The following NLRP11 variants were observed in gnomAD, a reference collection of about 807,000 sequenced individuals.
The protein encoded by NLRP11 is NLR family pyrin domain containing 11, also known as NACHT, LRR and PYD domains-containing protein 11.
Under a neutral mutation model 79.3 loss-of-function variants are expected in NLRP11, and 53 were observed. That is an observed-to-expected ratio of 0.67 (90% confidence interval 0.54 to 0.84). The LOEUF is 0.84. Ranked by LOEUF, NLRP11 falls within the 40% of genes least tolerant of loss-of-function variation. The pLI is 0.00. For missense variants in NLRP11, 1,264 were observed against 1,255.0 expected (o/e 1.01, Z -0.11); for synonymous variants, 518 against 462.6 (o/e 1.12, Z -1.54).
At chr19:55,799,554 T>C (rs187328171) in intron 5 of NLRP11, among the ~76,000 whole-genome samples, 1 of 151,652 alleles carries the variant, frequency 6.6e-6, no homozygotes, top group Admixed American at 6.6e-5. Flanking sequence ...TGAAAGGAGT[T>C]TGGGGAGGGG....
intron 5 of NLRP11, 35 bp from the exon 6 acceptor site, chr19:55,796,285 C>T (rs371224573): frequency 9.0e-5 from 140 of 1,551,986 alleles, no homozygotes; most frequent in East Asian, 2.7e-4. Flanking sequence ...AAGAGGCTCC[C>T]GCGTTTAAGC....
chr19:55,796,878 C>A (rs368435842), intron 5 of NLRP11, among the ~76,000 whole-genome samples: 1 of 151,932 alleles, frequency 6.6e-6, no homozygotes, highest in Non-Finnish European at 1.5e-5. Flanking sequence ...TAGTAGACAC[C>A]AGGTTTCACC....
chr19:55,802,365 C>T (rs1979560350), intron 4 of NLRP11, among the ~76,000 whole-genome samples: 2 of 152,092 alleles, frequency 1.3e-5, no homozygotes, highest in South Asian at 4.2e-4. Flanking sequence ...CACTAGCATT[C>T]CTATACACCA....
At position 55,817,923 on chromosome 19, in the gene NLRP11, C is replaced by G. The variant is rs915207502; in HGVS notation, c.252G>C (p.Lys84Asn). Reference sequence around the variant, plus strand: ...ACTCACGGTTTCGTCTGCCAATGATCTTCCTACAAAGATCTTCCTTACGCA... The same window carrying G: ...ACTCACGGTTTCGTCTGCCAATGATGTTCCTACAAAGATCTTCCTTACGCA... Residue 84 changes from lysine to asparagine, a missense_variant, in exon 2 of 10, where the codon AAG (lysine) becomes AAC (asparagine). Coordinates refer to ENST00000589093, the Ensembl canonical transcript of NLRP11. 38 of 1,606,472 alleles carry G rather than the reference C, an allele frequency of 2.4e-5. No homozygotes were observed. The highest frequency in any genetic ancestry group is 1.7e-4 in the Middle Eastern group (1 of 6,056).
Sources: allele counts gnomAD v4.1 joint callset (sites outside exome capture counted in the v4.1 genomes callset), GRCh38; gene constraint gnomAD v4.1.1; transcripts MANE v1.5; gene names NCBI Gene and HGNC (gene_info 2026-07-23, HGNC 2026-07-21).